The following SV2C variants were observed in gnomAD, a reference collection of about 807,000 sequenced individuals.
SV2C encodes the protein synaptic vesicle glycoprotein 2C, also known as solute carrier family 22 member B3.
In SV2C, 49 loss-of-function variants were observed where a neutral mutation model predicts 79.7. The observed-to-expected ratio is 0.61, with a 90% CI of 0.49 to 0.78. SV2C has a LOEUF of 0.78. Ranked by LOEUF, SV2C falls within the 30% of genes least tolerant of loss-of-function variation. SV2C has a pLI of 0.00. For missense variants in SV2C, 833 were observed against 912.9 expected, an observed-to-expected ratio of 0.91 and a Z score of 1.13; for synonymous variants, 334 against 333.2, an observed-to-expected ratio of 1.00 and a Z score of -0.03.
chr5:76,306,255 T>C lies in SV2C; in HGVS notation c.2000+4710T>C, dbSNP rs547412812. Among the ~76,000 whole-genome samples the C allele has an allele frequency of 2.4e-4, 37 of 152,234 alleles. No individual in the cohort carries two copies. In the South Asian group the frequency reaches 7.5e-3, roughly 31 times the overall value. ...TTTATTTTAAGAGATGGGGTCTCAC[T>C]GTGTTGCCCAGGCTGGTCTCAAACT... On this transcript the variant is annotated intron_variant, in intron 12 of 12. Coordinates refer to ENST00000502798, the MANE Select transcript of SV2C (RefSeq NM_014979.4).
At chr5:75,945,305 A>G in the SV2C span, among the ~76,000 whole-genome samples, 1 of 151,688 alleles carries the variant, frequency 6.6e-6, no homozygotes, top group Non-Finnish European at 1.5e-5. Flanking sequence ...TAAAATATAC[A>G]TTATTATTTT....
chr5:76,028,973 A>G, the SV2C span, among the ~76,000 whole-genome samples: 2 of 152,358 alleles, frequency 1.3e-5, no homozygotes, highest in Non-Finnish European at 2.9e-5. Context: ...ATTCATGTCT[A>G]TAACCCCAGC....
chr5:76,278,520 T>C (rs2112484879), intron 4 of SV2C, among the ~76,000 whole-genome samples: 1 of 152,274 alleles, frequency 6.6e-6, no homozygotes, highest in East Asian at 1.9e-4. Flanking sequence ...GGGGACAACA[T>C]TGAAAACCCT....
At chr5:76,323,101 A>C (rs2972855) in intron 12 of SV2C, among the ~76,000 whole-genome samples, 60,391 of 152,074 alleles carry the variant, frequency 0.4, 12,517 homozygotes, top group East Asian at 0.55. Context: ...AAACAGGCAA[A>C]CTACAGAATG....
the SV2C span, among the ~76,000 whole-genome samples, chr5:75,955,410 A>G: frequency 6.6e-6 from 1 of 151,690 alleles, no homozygotes; most frequent in Admixed American, 6.6e-5. Flanking sequence ...TGGATTAAAG[A>G]CTTAAACGTT....
intron 1 of SV2C, among the ~76,000 whole-genome samples, chr5:76,123,024 A>G (rs1748577195): frequency 6.6e-6 from 1 of 152,218 alleles, no homozygotes; most frequent in African/African-American, 2.4e-5. Context: ...GCAATAAAAA[A>G]TGATAAAGGG....
At chr5:75,864,356 TC>T in the SV2C span, among the ~76,000 whole-genome samples, 2 of 140,414 alleles carry the variant, frequency 1.4e-5, no homozygotes, top group Non-Finnish European at 3.2e-5. Context: ...ATCCATCCAT[TC>T]ATTTAATTAA....
chr5:76,348,002 G>A (rs1270266756), intron 12 of SV2C, among the ~76,000 whole-genome samples: 3 of 152,090 alleles, frequency 2.0e-5, no homozygotes, highest in Non-Finnish European at 2.9e-5. Flanking sequence ...AAAGTATAAT[G>A]ACATGTATCC....
At chr5:75,886,065 ATCT>A in the SV2C span, among the ~76,000 whole-genome samples, 1 of 152,076 alleles carries the variant, frequency 6.6e-6, no homozygotes, top group African/African-American at 2.4e-5. Flanking sequence ...GCATGGACAA[ATCT>A]TTGAATACAA....
At chr5:75,928,591 C>G in the SV2C span, among the ~76,000 whole-genome samples, 1 of 152,158 alleles carries the variant, frequency 6.6e-6, no homozygotes, top group Non-Finnish European at 1.5e-5. Context: ...CTTTTTCCTC[C>G]TCAACCTTAG....
At chr5:76,245,839 A>G (rs1185242820) in intron 4 of SV2C, among the ~76,000 whole-genome samples, 1 of 152,136 alleles carries the variant, frequency 6.6e-6, no homozygotes, top group African/African-American at 2.4e-5. Flanking sequence ...AAGACAATTC[A>G]GTAAATGGCC....
chr5:75,964,372 C>G, the SV2C span, among the ~76,000 whole-genome samples: 1 of 152,144 alleles, frequency 6.6e-6, no homozygotes, highest in Non-Finnish European at 1.5e-5. Context: ...TAGTCCTTCT[C>G]AAGTATTTCT....
At chr5:76,176,020 G>A (rs1046718444) in intron 2 of SV2C, among the ~76,000 whole-genome samples, 3 of 152,162 alleles carry the variant, frequency 2.0e-5, no homozygotes, top group Non-Finnish European at 4.4e-5. Flanking sequence ...ACACTGCTCT[G>A]CTTATCTGCA....
At chr5:75,942,237 T>C in the SV2C span, among the ~76,000 whole-genome samples, 3 of 152,236 alleles carry the variant, frequency 2.0e-5, no homozygotes, top group Non-Finnish European at 4.4e-5. Flanking sequence ...TGTTTGTTTG[T>C]ATTCTTTAAA....
intron 3 of SV2C, among the ~76,000 whole-genome samples, chr5:76,197,114 C>T (rs1744293583): frequency 6.6e-6 from 1 of 152,182 alleles, no homozygotes; most frequent in Admixed American, 6.5e-5. Context: ...GCTCTCCTGC[C>T]TGCTTTTTCT....
the SV2C span, among the ~76,000 whole-genome samples, chr5:75,864,756 C>T: frequency 6.6e-6 from 1 of 152,244 alleles, no homozygotes; most frequent in Non-Finnish European, 1.5e-5. Context: ...AACCTTGCTG[C>T]ATTCTGCATC....
the SV2C span, among the ~76,000 whole-genome samples, chr5:75,989,234 A>G: frequency 3.2e-4 from 49 of 151,868 alleles, 1 homozygote; most frequent in Admixed American, 9.2e-4. Flanking sequence ...GGTTTGCTGC[A>G]AAGATTATCT....
At chr5:76,097,539 T>A (rs1432723695) in intron 1 of SV2C, among the ~76,000 whole-genome samples, 2 of 152,218 alleles carry the variant, frequency 1.3e-5, no homozygotes, top group East Asian at 3.8e-4. Flanking sequence ...GTTGTTACAC[T>A]GGAACATATA....
At chr5:76,288,097 A>T (rs1747414389) in intron 6 of SV2C, among the ~76,000 whole-genome samples, 1 of 152,150 alleles carries the variant, frequency 6.6e-6, no homozygotes, top group African/African-American at 2.4e-5. Flanking sequence ...AAAAAAAAAA[A>T]AAAAATAGAC....
Sources: allele counts gnomAD v4.1 joint callset (sites outside exome capture counted in the v4.1 genomes callset), GRCh38; gene constraint gnomAD v4.1.1; transcripts MANE v1.5; gene names NCBI Gene and HGNC (gene_info 2026-07-23, HGNC 2026-07-21).